SPNS2: variants seen among roughly 807,000 people sequenced by gnomAD.
SPNS2 encodes SPNS lysolipid transporter 2, sphingosine-1-phosphate.
A neutral mutation model predicts 57.6 loss-of-function variants in SPNS2; 37 were observed. The ratio of observed to expected loss-of-function variants is 0.64; its 90% confidence interval spans 0.49 to 0.85. The LOEUF is 0.85. Ranked by LOEUF, SPNS2 falls within the 40% of genes least tolerant of loss-of-function variation. SPNS2 has a pLI of 0.00. For missense variants in SPNS2, 831 were observed against 779.1 expected (o/e 1.07, Z -0.79); for synonymous variants, 440 against 346.9 (o/e 1.27, Z -2.98).
chr17:4,532,942 C>A, intron 6 of SPNS2, 35 bp from the exon 7 acceptor site: 2 of 1,592,024 alleles, frequency 1.3e-6, no homozygotes, highest in Non-Finnish European at 8.6e-7. Context: ...GAAGGAGGTC[C>A]CTGAGCTCAG....
intron 3 of SPNS2, among the ~76,000 whole-genome samples, chr17:4,526,515 A>T (rs1905265766): frequency 6.6e-6 from 1 of 152,072 alleles, no homozygotes; most frequent in Admixed American, 6.5e-5. Context: ...AGGCAGGAGA[A>T]TCGCTTGAAC....
At chr17:4,531,261 C>T (rs941827283) in intron 5 of SPNS2, 142 bp downstream of exon 5, 1 of 729,364 alleles carries the variant, frequency 1.4e-6, no homozygotes, top group Admixed American at 2.2e-5. Flanking sequence ...CCTGCCCTTC[C>T]AGATTAGTCC....
At chr17:4,535,508 G>A (rs1019559629) in intron 9 of SPNS2, among the ~76,000 whole-genome samples, 2 of 152,346 alleles carry the variant, frequency 1.3e-5, no homozygotes, top group Middle Eastern at 3.4e-3. Context: ...CCAGGTCCAA[G>A]GGCAGAAGCC....
In SPNS2 at chr17:4,525,055, A is replaced by T. The variant is rs1905229852; in HGVS notation, c.437-2A>T. 6.2e-7 allele frequency: 1 copy of T among 1,613,940 alleles called. No homozygotes were observed. The highest frequency in any genetic ancestry group is 8.5e-7 in the Non-Finnish European group (1 of 1,179,960). On this transcript the variant is annotated splice_acceptor_variant, in intron 2 of 12. Coordinates refer to ENST00000329078, the MANE Select transcript of SPNS2 (RefSeq NM_001124758.3). LOFTEE classifies it high-confidence loss of function. ...CCCCCTCAAGCTCTCCTCTCCCTGC[A>T]GTGTTCATCTGTAGCTTCATGGTGG... is the stretch of plus-strand genomic sequence containing the variant.
In SPNS2 at chr17:4,531,036, G is replaced by A. The variant is rs1905445572; in HGVS notation, c.726-17G>A. The A allele has an allele frequency of 4.3e-6, 7 of 1,613,628 alleles. No individual in the cohort carries two copies. Among genetic ancestry groups the A allele is most frequent in the Non-Finnish European group, 5.9e-6 (7 of 1,179,928 alleles). The stretch of plus-strand genomic sequence containing the variant: ...CCCCTGTCTCTGCTCAGCCTGACGT[G>A]TGTCTCTTCTCTGCAGTGGCCTGGG... On this transcript the variant is annotated splice_polypyrimidine_tract_variant and intron_variant, in intron 4 of 12. Transcript: ENST00000329078.
chr17:4,533,210 C>T (rs546673107), intron 7 of SPNS2, 33 bp from the exon 8 acceptor site: 1 of 1,582,290 alleles, frequency 6.3e-7, no homozygotes, highest in Non-Finnish European at 8.6e-7. Context: ...TGAGCCGCCT[C>T]AACTCGTGCG....
In SPNS2 at chr17:4,538,082, T is replaced by A; in HGVS notation, c.*634T>A. ...GAGGACACTGTCTCACTGTCTCGGG[T>A]TGGCTCCCAGCCTGGAGGTCCCAGA... On this transcript the variant is annotated 3_prime_UTR_variant, in exon 13 of 13. Coordinates refer to ENST00000329078, the MANE Select transcript of SPNS2 (RefSeq NM_001124758.3). 1 of 337,004 alleles carries A rather than the reference T, an allele frequency of 3.0e-6. No homozygotes were observed. The highest frequency in any genetic ancestry group is 2.4e-5 in the South Asian group (1 of 42,498). 20.9% of individuals were successfully genotyped at this position (337,004 alleles called of 1,614,324 possible). A position where few individuals can be genotyped will look rare whatever the true frequency, so the allele number is the denominator to read the frequency against.
Position 4,537,965 on chromosome 17 carries a change from G to A in SPNS2, c.*517G>A, listed in dbSNP as rs1352080293. On this transcript the variant is annotated 3_prime_UTR_variant, in exon 13 of 13. Transcript: ENST00000329078. The stretch of plus-strand genomic sequence containing the variant: ...GGCTCACGCGAGGGCCTGGTATGCA[G>A]GGACCACTGCTCAGCTGGGCCTCGG... 2 of 365,834 alleles carry A rather than the reference G, an allele frequency of 5.5e-6. No homozygotes were observed. The highest frequency in any genetic ancestry group is 4.2e-5 in the African/African-American group (2 of 47,154). 22.7% of individuals were successfully genotyped at this position (365,834 alleles called of 1,614,324 possible).
intron 1 of SPNS2, among the ~76,000 whole-genome samples, chr17:4,503,295 G>A (rs1221151337): frequency 1.3e-5 from 2 of 152,198 alleles, no homozygotes; most frequent in African/African-American, 4.8e-5. Flanking sequence ...AGAGCCCTTT[G>A]GGTAGATGAA....
chr17:4,515,613 C>T (rs532626110), intron 2 of SPNS2, among the ~76,000 whole-genome samples: 2 of 152,346 alleles, frequency 1.3e-5, no homozygotes, highest in East Asian at 1.9e-4. Flanking sequence ...AGAAGCCAGT[C>T]GAGTAGACCA....
intron 2 of SPNS2, among the ~76,000 whole-genome samples, chr17:4,521,917 G>A (rs1373909749): frequency 6.6e-6 from 1 of 152,218 alleles, no homozygotes; most frequent in Admixed American, 6.5e-5. Flanking sequence ...GGGCAAACAC[G>A]GCCGGGCACG....
At chr17:4,535,643 G>A (rs184742022) in intron 9 of SPNS2, among the ~76,000 whole-genome samples, 178 of 152,286 alleles carry the variant, frequency 1.2e-3, no homozygotes, top group South Asian at 4.6e-3. Context: ...AGTGACTGGC[G>A]CCTGGGCAAC....
At chr17:4,520,191 C>T (rs1905104039) in intron 2 of SPNS2, among the ~76,000 whole-genome samples, 1 of 152,220 alleles carries the variant, frequency 6.6e-6, no homozygotes, top group African/African-American at 2.4e-5. Context: ...GAGCTAAGGG[C>T]ACGTAGGTGC....
chr17:4,514,179 G>C (rs1201326773), intron 2 of SPNS2, among the ~76,000 whole-genome samples: 1 of 152,244 alleles, frequency 6.6e-6, no homozygotes, highest in Non-Finnish European at 1.5e-5. Context: ...TCAGGGCTTG[G>C]GGCGGGAGGC....
At chr17:4,516,174 T>G (rs1904979264) in intron 2 of SPNS2, among the ~76,000 whole-genome samples, 1 of 151,050 alleles carries the variant, frequency 6.6e-6, no homozygotes, top group Non-Finnish European at 1.5e-5. Context: ...ATTAGCCAGG[T>G]GTGGTGGTGG....
intron 3 of SPNS2, 28 bp downstream of exon 3, chr17:4,525,221 C>A: frequency 6.2e-7 from 1 of 1,611,898 alleles, no homozygotes; most frequent in Non-Finnish European, 8.5e-7. Context: ...TTCTCCCCGA[C>A]CCCTGTGTCC....
At position 4,504,435 on chromosome 17, in the gene SPNS2, CAT is replaced by C. The variant is rs78962485; in HGVS notation, c.370+5020_370+5021del. ...ATCCATCAGAGGAAGTGCTTTGAAA[CAT>C]AGTACCTTGGTCTGGGGCCCTGGAC... On this transcript the variant is annotated intron_variant, in intron 1 of 12. Coordinates refer to ENST00000329078, the MANE Select transcript of SPNS2 (RefSeq NM_001124758.3). Among the ~76,000 whole-genome samples the C allele has an allele frequency of 9.1e-3, 1,387 of 152,292 alleles. 11 individuals carry two copies. The highest frequency in any genetic ancestry group is 0.048 in the Middle Eastern group (14 of 294).
At position 4,499,338 on chromosome 17, in the gene SPNS2, G is replaced by C. The variant is rs1359530364; in HGVS notation, c.291G>C (p.Leu97Phe). Reference sequence around the variant, plus strand: ...CTCAGCAGCCCAAACCGGCCAGCTTGGGCCGCGGGCGGGGGGCAGCCGCCG... The same window carrying C: ...CTCAGCAGCCCAAACCGGCCAGCTTCGGCCGCGGGCGGGGGGCAGCCGCCG... ...PGAQQPKPASLGRGRGAAAAI... is the reference protein window; with the variant it reads ...PGAQQPKPASFGRGRGAAAAI... Residue 97 changes from leucine (L) to phenylalanine (F), a missense_variant, in exon 1 of 13, where the codon TTG becomes TTC. Transcript: ENST00000329078. This position sits in a 1 kb window ranked among gnomAD's most constrained non-coding sequence, Gnocchi z 5.2. The C allele has an allele frequency of 1.4e-6, 2 of 1,466,062 alleles. No homozygotes were observed. Among genetic ancestry groups the C allele is most frequent in the Admixed American group, 5.0e-5 (2 of 40,258 alleles). 90.8% of individuals were successfully genotyped at this position (1,466,062 alleles called of 1,614,324 possible). A position where few individuals can be genotyped will look rare whatever the true frequency, so the allele number is the denominator to read the frequency against.
At chr17:4,503,982 CT>C (rs35585489) in intron 1 of SPNS2, among the ~76,000 whole-genome samples, 827 of 137,754 alleles carry the variant, frequency 6.0e-3, no homozygotes, top group Middle Eastern at 0.031. Context: ...CTCCTATTGG[CT>C]TTTTTTTTTT....
Sources: gnomAD v4.1 joint callset for allele counts (sites outside exome capture counted in the v4.1 genomes callset) on GRCh38, gnomAD v4.1.1 for gene constraint, Gnocchi (gnomAD v3.1) non-coding constraint, MANE v1.5 for transcripts, NCBI Gene and HGNC (gene_info 2026-07-23, HGNC 2026-07-21) for gene names.